SUCLA2: variants seen among roughly 807,000 people sequenced by gnomAD.
SUCLA2 encodes succinate-CoA ligase ADP-forming subunit beta.
Under a neutral mutation model 54.8 loss-of-function variants are expected in SUCLA2, and 30 were observed. The ratio of observed to expected loss-of-function variants is 0.55; its 90% CI spans 0.41 to 0.74. The LOEUF (loss-of-function observed/expected upper bound fraction) is 0.74. Among genes scored for constraint, SUCLA2 ranks in the 30% least tolerant of loss-of-function variants. The probability of loss-of-function intolerance (pLI) is 0.00; values close to 1 mark genes in which losing one functional copy is unlikely to be tolerated. For synonymous variants in SUCLA2, 172 were observed against 188.9 expected (o/e 0.91, Z 0.74); for missense variants, 476 against 562.9 (o/e 0.85, Z 1.56).
rs879679737 is a variant in SUCLA2 at position 47,943,782 on chromosome 13, T to TATA, written c.1318-338_1318-337insTAT. ...TGTGTGTGTGTATATATATATATAT[T>TATA]ATTCTAAATTTTATCTTAAAGACAG... is the stretch of plus-strand genomic sequence containing the variant. On this transcript the variant is annotated intron_variant, in intron 10 of 10. Transcript: ENST00000646932. 1.9e-4 allele frequency among the ~76,000 whole-genome samples: 23 copies of TATA among 118,788 alleles called. 1 individual carries two copies. The highest frequency in any genetic ancestry group is 6.8e-4 in the African/African-American group (18 of 26,324). 77.9% of individuals were successfully genotyped at this position (118,788 alleles called of 152,430 possible). A position where few individuals can be genotyped will look rare whatever the true frequency, so the allele number is the denominator to read the frequency against.
intron 10 of SUCLA2, among the ~76,000 whole-genome samples, chr13:47,948,254 T>C (rs1949749487): frequency 6.6e-6 from 1 of 152,194 alleles, no homozygotes; most frequent in African/African-American, 2.4e-5. Context: ...TGATCACAGA[T>C]ATAAGACGTT....
chr13:47,985,776 T>C (rs569375649), intron 4 of SUCLA2, among the ~76,000 whole-genome samples: 59 of 152,298 alleles, frequency 3.9e-4, no homozygotes, highest in African/African-American at 1.3e-3. Flanking sequence ...CTGGGTCAAA[T>C]AGTATTTCTG....
chr13:47,962,903 T>C (rs1949882307), intron 6 of SUCLA2, among the ~76,000 whole-genome samples: 1 of 152,136 alleles, frequency 6.6e-6, no homozygotes, highest in African/African-American at 2.4e-5. Context: ...CTCAAAAAAA[T>C]GTATCGAAGA....
At chr13:47,987,653 G>T (rs1267948294) in intron 4 of SUCLA2, 1 of 151,862 alleles carries the variant, frequency 6.6e-6, no homozygotes, top group Non-Finnish European at 1.5e-5. Flanking sequence ...AACATTAATA[G>T]ATTTAATTGT....
intron 6 of SUCLA2, among the ~76,000 whole-genome samples, chr13:47,956,269 A>G (rs1413343273): frequency 6.6e-6 from 1 of 152,174 alleles, no homozygotes; most frequent in Non-Finnish European, 1.5e-5. Flanking sequence ...AAAAAGTATA[A>G]TATCTGAAAT....
At chr13:47,976,864 G>C (rs1050826140) in intron 4 of SUCLA2, among the ~76,000 whole-genome samples, 2 of 152,008 alleles carry the variant, frequency 1.3e-5, no homozygotes, top group Non-Finnish European at 2.9e-5. Context: ...TAGCATTTTG[G>C]ATTTCAGAAT....
rs568592777 is a variant in SUCLA2 at position 47,948,869 on chromosome 13, T to G, written c.1317+71A>C. On this transcript the variant is annotated intron_variant, in intron 10 of 10. Coordinates refer to ENST00000646932, the MANE Select transcript of SUCLA2 (RefSeq NM_003850.3). ...TTTAGCTGAAACACAAATTATTAGCTGTATTAATAATTAGGTTCATTTTAG... is the reference window on the plus strand; with the variant it reads ...TTTAGCTGAAACACAAATTATTAGCGGTATTAATAATTAGGTTCATTTTAG... 9.0e-4 allele frequency: 1,192 copies of G among 1,329,472 alleles called. 3 individuals carry two copies. The highest frequency in any genetic ancestry group is 9.9e-4 in the Non-Finnish European group (916 of 921,078). The allele number at this position is 1,329,472 out of a possible 1,614,324, so 82.4% of individuals were successfully genotyped here.
intron 4 of SUCLA2, among the ~76,000 whole-genome samples, chr13:47,980,569 CT>C (rs1326945272): frequency 4.0e-5 from 6 of 151,546 alleles, no homozygotes; most frequent in African/African-American, 1.2e-4. Flanking sequence ...ATCCCAATGG[CT>C]TTTTTTTATA....
At chr13:47,957,743 T>C (rs1342906773) in intron 6 of SUCLA2, among the ~76,000 whole-genome samples, 1 of 152,158 alleles carries the variant, frequency 6.6e-6, no homozygotes, top group African/African-American at 2.4e-5. Context: ...TAATTGCGTG[T>C]TGTGTCCGGG....
chr13:47,965,608 GA>G, intron 6 of SUCLA2: 1 of 398,238 alleles, frequency 2.5e-6, no homozygotes, highest in Admixed American at 4.4e-5. Flanking sequence ...AAATGGATGT[GA>G]CAACTCAATT....
chr13:47,954,588 A>C lies in SUCLA2; in HGVS notation c.803-31T>G, dbSNP rs778837501. 6.8e-6 allele frequency: 11 copies of C among 1,609,496 alleles called. No individual in the cohort carries two copies. In the South Asian group the frequency reaches 8.8e-5, roughly 13 times the overall value. ...AAGGGAAAAAGAGAAAAATGACCTT[A>C]ATTTCAAGACAGATACAATAAAGTA... On this transcript the variant is annotated intron_variant, in intron 6 of 10. Coordinates refer to ENST00000646932, the MANE Select transcript of SUCLA2 (RefSeq NM_003850.3).
intron 1 of SUCLA2, chr13:48,000,960 G>A (rs1950225730): frequency 1.4e-6 from 2 of 1,409,404 alleles, no homozygotes; most frequent in South Asian, 1.5e-5. Context: ...CGGGCCGCCG[G>A]GGATCCTCGC....
chr13:47,951,008 A>G (rs1162322174), intron 8 of SUCLA2, among the ~76,000 whole-genome samples: 2 of 151,964 alleles, frequency 1.3e-5, no homozygotes, highest in African/African-American at 2.4e-5. Context: ...AGCCTTTGGC[A>G]TCTCTCATCT....
intron 5 of SUCLA2, among the ~76,000 whole-genome samples, chr13:47,968,942 T>A (rs35316133): frequency 6.6e-6 from 1 of 152,218 alleles, no homozygotes; most frequent in African/African-American, 2.4e-5. Context: ...GCCCATTTTA[T>A]AGATAAGAAA....
At chr13:47,943,522 C>T in intron 10 of SUCLA2, 77 bp from the exon 11 acceptor site, 5 of 1,302,686 alleles carry the variant, frequency 3.8e-6, no homozygotes, top group Non-Finnish European at 5.6e-6. Context: ...AATGTACACT[C>T]AATTTTTTCC....
At chr13:47,960,418 C>T (rs1265545667) in intron 6 of SUCLA2, among the ~76,000 whole-genome samples, 1 of 152,032 alleles carries the variant, frequency 6.6e-6, no homozygotes, top group Non-Finnish European at 1.5e-5. Context: ...TTCTGGCACA[C>T]ACACAAAAAT....
intron 6 of SUCLA2, among the ~76,000 whole-genome samples, 171 bp downstream of exon 6, chr13:47,968,419 GTGTTT>G (rs1412487296): frequency 1.3e-5 from 2 of 152,112 alleles, no homozygotes; most frequent in African/African-American, 2.4e-5. Context: ...GGGTCTAATA[GTGTTT>G]TGTTTTAATG....
chr13:47,961,273 G>A (rs2054688819), intron 6 of SUCLA2, among the ~76,000 whole-genome samples: 1 of 152,130 alleles, frequency 6.6e-6, no homozygotes, highest in African/African-American at 2.4e-5. Flanking sequence ...GTTGCAAAGA[G>A]AAAATGGAGT....
intron 1 of SUCLA2, among the ~76,000 whole-genome samples, chr13:47,999,321 C>G (rs1199949611): frequency 6.6e-6 from 1 of 152,156 alleles, no homozygotes; most frequent in Non-Finnish European, 1.5e-5. Context: ...TGTCCTTATT[C>G]TTAAAGACAT....
Sources: gnomAD v4.1 joint callset for allele counts (sites outside exome capture counted in the v4.1 genomes callset) on GRCh38, gnomAD v4.1.1 for gene constraint, MANE v1.5 for transcripts, NCBI Gene and HGNC (gene_info 2026-07-23, HGNC 2026-07-21) for gene names.